Variants in ODF2 observed in about 807,000 individuals in gnomAD.
The protein encoded by ODF2 is outer dense fiber protein 2.
In ODF2, 47 loss-of-function variants were observed where a neutral mutation model predicts 110.2. The ratio of observed to expected loss-of-function variants is 0.43; its 90% confidence interval spans 0.34 to 0.54. The LOEUF (loss-of-function observed/expected upper bound fraction) is 0.54, where lower values mean the gene tolerates loss of function less well. Ranked by LOEUF, ODF2 falls within the 20% of genes least tolerant of loss-of-function variation. ODF2 has a pLI of 0.03. For missense variants in ODF2, 812 were observed against 1,054.5 expected (o/e 0.77, Z 3.19); for synonymous variants, 352 against 397.7 (o/e 0.89, Z 1.37).
In ODF2 at chr9:128,494,300, T is replaced by TA. The variant is rs1193399424; in HGVS notation, c.1753-209dup. ...GTGTTTACTGTGTGGTTGCCATTGT[T>TA]ACGGGATAACTAAATGAATGGCAAG... is the stretch of plus-strand genomic sequence containing the variant. On this transcript the variant is annotated intron_variant, in intron 16 of 20. Coordinates refer to ENST00000604420, the Ensembl canonical transcript of ODF2. The surrounding 1 kb of genome is among the most constrained non-coding windows in gnomAD (Gnocchi z 4.6). 6.6e-6 allele frequency among the ~76,000 whole-genome samples: 1 copy of TA among 152,172 alleles called. No individual in the cohort carries two copies. Among genetic ancestry groups the TA allele is most frequent in the East Asian group, 1.9e-4 (1 of 5,196 alleles).
exon 3 of ODF2, chr9:128,459,610 A>G (rs1406005573): frequency 1.9e-6 from 3 of 1,613,370 alleles, no homozygotes; most frequent in South Asian, 1.1e-5. Flanking sequence ...TCTCACGCAG[A>G]AAAAGGTCTT....
intron 4 of ODF2, among the ~76,000 whole-genome samples, chr9:128,467,201 A>G (rs552336375): frequency 4.6e-5 from 7 of 150,952 alleles, no homozygotes; most frequent in Admixed American, 3.3e-4. Context: ...GGTATAGCCT[A>G]TTGCTCCTAG....
chr9:128,472,467 C>T (rs1840270423), intron 6 of ODF2, among the ~76,000 whole-genome samples: 1 of 152,180 alleles, frequency 6.6e-6, no homozygotes, highest in Non-Finnish European at 1.5e-5. Flanking sequence ...CCTCGGCTTC[C>T]CAAAGTGCTG....
chr9:128,485,312 G>T lies in ODF2; in HGVS notation c.1291-53G>T. On this transcript the variant is annotated intron_variant, in intron 12 of 20. Coordinates refer to ENST00000604420, the Ensembl canonical transcript of ODF2. This position sits in a 1 kb window ranked among gnomAD's most constrained non-coding sequence, Gnocchi z 5.0. ...AGGATGAGCCCGCTCCCAGCTCCTGGCAGCCTCACCACTGACACTAGGCTA... is the reference window on the plus strand; with the variant it reads ...AGGATGAGCCCGCTCCCAGCTCCTGTCAGCCTCACCACTGACACTAGGCTA... The T allele has an allele frequency of 1.0e-6, 1 of 955,718 alleles. No individual in the cohort carries two copies. The highest frequency in any genetic ancestry group is 1.7e-6 in the Non-Finnish European group (1 of 601,634). 59.2% of individuals were successfully genotyped at this position (955,718 alleles called of 1,614,324 possible).
chr9:128,473,270 C>T, intron 7 of ODF2: 5 of 984,516 alleles, frequency 5.1e-6, no homozygotes, highest in Non-Finnish European at 6.0e-6. Flanking sequence ...CATGGGTCTC[C>T]TGGGATCACA....
intron 14 of ODF2, among the ~76,000 whole-genome samples, chr9:128,491,795 G>C (rs1432295280): frequency 2.6e-5 from 4 of 151,900 alleles, no homozygotes; most frequent in African/African-American, 4.8e-5. Flanking sequence ...AAGTTATGCA[G>C]CTATAGATAT....
intron 8 of ODF2, 121 bp downstream of exon 8, chr9:128,473,862 G>A (rs1015968745): frequency 1.1e-6 from 1 of 880,140 alleles, no homozygotes. Context: ...TTAGAGAGAT[G>A]TAATGAAATT....
rs746296923 is a variant in ODF2 at position 128,487,781 on chromosome 9, C to T, written c.1401-109C>T. On this transcript the variant is annotated intron_variant, in intron 13 of 20. Coordinates refer to ENST00000604420, the Ensembl canonical transcript of ODF2. ...CAGCCTAGGTGACAGAGCGAGACTC[C>T]GTCTAAAAAAACAAACAAACAAAAC... 3.5e-5 allele frequency: 46 copies of T among 1,327,898 alleles called. 1 individual carries two copies. Among genetic ancestry groups the T allele is most frequent in the South Asian group, 4.0e-5 (3 of 74,200 alleles). The allele number at this position is 1,327,898 out of a possible 1,614,324, so 82.3% of individuals were successfully genotyped here. A position where few individuals can be genotyped will look rare whatever the true frequency, so the allele number is the denominator to read the frequency against.
Position 128,463,134 on chromosome 9 carries a change from C to T in ODF2, c.249+2067C>T, listed in dbSNP as rs144399503. ...AAAACTAGTTGGGTGTGGTGGCATG[C>T]GCTTGTAATTCCAGCTACTCAGAAG... On this transcript the variant is annotated intron_variant, in intron 4 of 20. Coordinates refer to ENST00000604420, the Ensembl canonical transcript of ODF2. Among the ~76,000 whole-genome samples, 1,185 of 151,936 alleles carry T rather than the reference C, an allele frequency of 7.8e-3. 9 individuals carry two copies. The highest frequency in any genetic ancestry group is 0.012 in the Non-Finnish European group (835 of 67,976).
At chr9:128,455,248 T>C (rs984083444), upstream of ODF2, 20 of 1,534,358 alleles carry the variant, frequency 1.3e-5, no homozygotes, top group Non-Finnish European at 1.5e-5. Context: ...CAGAGCGGCA[T>C]AGAGAGTGCA....
chr9:128,488,068 A>C, intron 14 of ODF2, 43 bp downstream of exon 14: 1 of 1,610,624 alleles, frequency 6.2e-7, no homozygotes, highest in Non-Finnish European at 8.5e-7. Context: ...GATGGGGCCC[A>C]GCGAGCTGAT....
intron 1 of ODF2, chr9:128,456,768 T>C (rs897192272): frequency 3.6e-6 from 3 of 832,034 alleles, no homozygotes; most frequent in Non-Finnish European, 4.3e-6. Context: ...CGGGGGGGGG[T>C]CCCGCCCGCC....
chr9:128,484,676 CTT>C (rs1391114707), intron 11 of ODF2, 23 bp from the exon 12 acceptor site: 1 of 1,551,818 alleles, frequency 6.4e-7, no homozygotes, highest in African/African-American at 1.4e-5. Flanking sequence ...TTCTCCCTCT[CTT>C]TCTCACCCCT....
upstream of ODF2, chr9:128,456,095 G>A (rs774644585): frequency 2.0e-5 from 31 of 1,543,756 alleles, no homozygotes; most frequent in Non-Finnish European, 2.6e-5. Context: ...CTGGCCAATG[G>A]GCGAGCTGCC....
chr9:128,490,192 A>G (rs1364905610), intron 14 of ODF2, among the ~76,000 whole-genome samples: 1 of 152,076 alleles, frequency 6.6e-6, no homozygotes, highest in Non-Finnish European at 1.5e-5. Context: ...GCCAACAACT[A>G]TTTAGGGGAT....
At chr9:128,462,756 T>C (rs1002613012) in intron 4 of ODF2, among the ~76,000 whole-genome samples, 6 of 152,088 alleles carry the variant, frequency 3.9e-5, no homozygotes, top group Non-Finnish European at 7.4e-5. Flanking sequence ...CCCGCCACCA[T>C]GCCCGGCTAA....
In ODF2 at chr9:128,456,475, TCCTC is replaced by T; in HGVS notation, c.-209+221_-209+224del. On this transcript the variant is annotated intron_variant, in intron 1 of 20. Coordinates refer to ENST00000604420, the Ensembl canonical transcript of ODF2. ...GCTAACGGGCGGTCGGCCGCCTCCT[TCCTC>T]TCTTGGCTACCACGGGGCTCTGCCC... 3 of 1,522,138 alleles carry T rather than the reference TCCTC, an allele frequency of 2.0e-6. No homozygotes were observed. The South Asian group carries it at 3.6e-5, about 18-fold the overall frequency. 94.3% of individuals were successfully genotyped at this position (1,522,138 alleles called of 1,614,324 possible). A position where few individuals can be genotyped will look rare whatever the true frequency, so the allele number is the denominator to read the frequency against.
At position 128,457,941 on chromosome 9, in the gene ODF2, A is replaced by ATTT. The variant is rs1384895239; in HGVS notation, c.32+505_32+506insTTT. 2.8e-3 allele frequency among the ~76,000 whole-genome samples: 217 copies of ATTT among 78,732 alleles called. 1 individual carries two copies. Among genetic ancestry groups the ATTT allele is most frequent in the Non-Finnish European group, 3.8e-3 (128 of 33,370 alleles). 51.7% of individuals were successfully genotyped at this position (78,732 alleles called of 152,430 possible). ...TCAGTAGAGGTCTATATATATATATATATTTTTTTTTTTTCCCCTCTTTTT... is the reference window on the plus strand; with the variant it reads ...TCAGTAGAGGTCTATATATATATATATTTTATTTTTTTTTTTTCCCCTCTTTTT... On this transcript the variant is annotated intron_variant, in intron 2 of 20. Transcript: ENST00000604420.
chr9:128,474,885 A>AC (rs1281987466), intron 8 of ODF2, among the ~76,000 whole-genome samples: 1 of 151,524 alleles, frequency 6.6e-6, no homozygotes, highest in African/African-American at 2.4e-5. Context: ...AATCACTTGA[A>AC]CCTGGGAGGC....
Sources: allele counts gnomAD v4.1 joint callset (sites outside exome capture counted in the v4.1 genomes callset), GRCh38; gene constraint gnomAD v4.1.1; non-coding constraint Gnocchi (gnomAD v3.1); transcripts MANE v1.5; gene names NCBI Gene and HGNC (gene_info 2026-07-23, HGNC 2026-07-21).